Variants in FCHSD2 observed in about 807,000 individuals in gnomAD.
FCHSD2 encodes F-BAR and double SH3 domains protein 2.
A neutral mutation model predicts 108.1 loss-of-function variants in FCHSD2; 38 were observed. The observed-to-expected ratio is 0.35, with a 90% CI of 0.27 to 0.46. The LOEUF (loss-of-function observed/expected upper bound fraction) is 0.46, where lower values mean the gene tolerates loss of function less well. Ranked by LOEUF, FCHSD2 falls within the 20% of genes least tolerant of loss-of-function variation. The pLI, the probability that FCHSD2 is intolerant of heterozygous loss-of-function variation, is 1.00. For synonymous variants in FCHSD2, 279 were observed against 314.7 expected (o/e 0.89, Z 1.20); for missense variants, 751 against 897.8 (o/e 0.84, Z 2.09).
intron 2 of FCHSD2, among the ~76,000 whole-genome samples, chr11:73,097,602 C>G: frequency 7.5e-6 from 1 of 133,110 alleles, no homozygotes; most frequent in Admixed American, 7.4e-5. Context: ...CCTATTATTT[C>G]TTGTGAGGTG....
intron 13 of FCHSD2, among the ~76,000 whole-genome samples, chr11:72,861,892 T>C (rs146691231): frequency 5.2e-4 from 77 of 147,164 alleles, no homozygotes; most frequent in Middle Eastern, 3.6e-3. Context: ...GATCATGCCA[T>C]TGCACTCCAG....
At chr11:72,958,117 T>C (rs936198497) in intron 8 of FCHSD2, among the ~76,000 whole-genome samples, 8 of 152,314 alleles carry the variant, frequency 5.3e-5, no homozygotes, top group Admixed American at 3.9e-4. Flanking sequence ...TCATTTCACA[T>C]GAAAACCTCA....
chr11:72,891,307 T>C (rs1289347442), intron 10 of FCHSD2, among the ~76,000 whole-genome samples: 2 of 152,258 alleles, frequency 1.3e-5, no homozygotes, highest in Non-Finnish European at 2.9e-5. Flanking sequence ...ATTTTAAAAA[T>C]TAATATTTTT....
At chr11:72,878,660 C>T (rs1855019003) in intron 12 of FCHSD2, among the ~76,000 whole-genome samples, 1 of 152,094 alleles carries the variant, frequency 6.6e-6, no homozygotes, top group Non-Finnish European at 1.5e-5. Context: ...AAAATGACAA[C>T]TGGAATTGAT....
intron 8 of FCHSD2, among the ~76,000 whole-genome samples, chr11:72,939,546 T>C (rs1016139408): frequency 3.3e-5 from 5 of 151,582 alleles, no homozygotes; most frequent in Non-Finnish European, 7.4e-5. Flanking sequence ...TAGAATTTGA[T>C]CACTGAGAAA....
intron 2 of FCHSD2, among the ~76,000 whole-genome samples, chr11:73,103,175 T>C (rs1008415304): frequency 6.6e-6 from 1 of 152,138 alleles, no homozygotes; most frequent in Non-Finnish European, 1.5e-5. Context: ...TAGTGTTTAG[T>C]CAACTACATA....
At chr11:73,050,147 G>C (rs1858865204) in intron 3 of FCHSD2, among the ~76,000 whole-genome samples, 1 of 152,158 alleles carries the variant, frequency 6.6e-6, no homozygotes, top group Admixed American at 6.5e-5. Context: ...CTATTGTAGT[G>C]AGAAAGCAGC....
intron 9 of FCHSD2, among the ~76,000 whole-genome samples, chr11:72,904,318 T>C (rs565945731): frequency 2.6e-5 from 4 of 152,362 alleles, no homozygotes; most frequent in Non-Finnish European, 4.4e-5. Flanking sequence ...CCTCTCTAGT[T>C]GCCAAACTTG....
intron 2 of FCHSD2, among the ~76,000 whole-genome samples, chr11:73,114,440 T>A (rs949701931): frequency 3.0e-4 from 46 of 152,106 alleles, no homozygotes; most frequent in African/African-American, 1.0e-3. Context: ...GTGGCCAAGC[T>A]GATACCTGAG....
chr11:72,992,787 C>T (rs1007320543), intron 5 of FCHSD2, among the ~76,000 whole-genome samples: 3 of 152,140 alleles, frequency 2.0e-5, no homozygotes, highest in Admixed American at 6.6e-5. Context: ...AAATGTTAGA[C>T]CTAAAACCAT....
chr11:72,891,774 G>A (rs1409152355), intron 10 of FCHSD2, among the ~76,000 whole-genome samples: 2 of 152,154 alleles, frequency 1.3e-5, no homozygotes, highest in South Asian at 2.1e-4. Flanking sequence ...TATCTGAGTC[G>A]TAGCTACATC....
chr11:72,972,101 CTT>C (rs761503995), intron 8 of FCHSD2, among the ~76,000 whole-genome samples: 47 of 152,130 alleles, frequency 3.1e-4, no homozygotes, highest in Non-Finnish European at 5.7e-4. Flanking sequence ...TCTTATGCCT[CTT>C]GTCACCCTAT....
At chr11:72,871,881 T>G (rs150935795) in intron 12 of FCHSD2, among the ~76,000 whole-genome samples, 2 of 152,176 alleles carry the variant, frequency 1.3e-5, no homozygotes, top group Non-Finnish European at 2.9e-5. Flanking sequence ...TGTGAACTGC[T>G]GTGCCCAACA....
intron 2 of FCHSD2, among the ~76,000 whole-genome samples, chr11:73,087,051 G>A (rs1453319114): frequency 1.3e-5 from 2 of 152,144 alleles, no homozygotes; most frequent in Non-Finnish European, 2.9e-5. Flanking sequence ...ACCAGAAAAA[G>A]GCATTGTATC....
intron 3 of FCHSD2, among the ~76,000 whole-genome samples, chr11:73,039,122 G>T (rs897015977): frequency 2.6e-5 from 4 of 152,184 alleles, no homozygotes; most frequent in Non-Finnish European, 4.4e-5. Context: ...TGGAATATCC[G>T]TGTATTCCAA....
intron 3 of FCHSD2, among the ~76,000 whole-genome samples, chr11:73,080,296 C>CAAAAAAAAAAAAA (rs370633105): frequency 1.0e-3 from 54 of 52,032 alleles, no homozygotes; most frequent in Admixed American, 1.5e-3. Context: ...GACCCTGTCT[C>CAAAAAAAAAAAAA]AAAAAAAAAA....
chr11:73,127,824 A>C (rs183045873), intron 2 of FCHSD2, among the ~76,000 whole-genome samples: 7 of 151,868 alleles, frequency 4.6e-5, no homozygotes, highest in African/African-American at 1.4e-4. Context: ...GCAGTGGCTC[A>C]AGCTGTAATC....
chr11:72,978,402 G>T (rs768617835), intron 8 of FCHSD2, among the ~76,000 whole-genome samples: 1 of 152,052 alleles, frequency 6.6e-6, no homozygotes, highest in Non-Finnish European at 1.5e-5. Context: ...CATATAAATG[G>T]CAAGCAGGCA....
chr11:73,065,563 A>C (rs1859271060), intron 3 of FCHSD2, among the ~76,000 whole-genome samples: 1 of 152,214 alleles, frequency 6.6e-6, no homozygotes, highest in African/African-American at 2.4e-5. Flanking sequence ...GAGGAAGTCA[A>C]ATTGTCTCTG....
Sources: allele counts gnomAD v4.1 joint callset (sites outside exome capture counted in the v4.1 genomes callset), GRCh38; gene constraint gnomAD v4.1.1; transcripts MANE v1.5; gene names NCBI Gene and HGNC (gene_info 2026-07-23, HGNC 2026-07-21).